Variants in ACOXL observed in about 807,000 individuals in gnomAD.
The protein encoded by ACOXL is acyl-coenzyme A oxidase-like protein.
In ACOXL, 70 loss-of-function variants were observed where a neutral mutation model predicts 71.9. The observed-to-expected ratio is 0.97, with a 90% CI of 0.80 to 1.19. ACOXL has a LOEUF of 1.19. ACOXL is among the 50% of genes most tolerant of loss of function. The pLI is 0.00. For missense variants in ACOXL, 703 were observed against 736.3 expected, an observed-to-expected ratio of 0.95 and a Z score of 0.52; for synonymous variants, 253 against 281.6, an observed-to-expected ratio of 0.90 and a Z score of 1.02.
chr2:110,828,115 C>T (rs1433832697), intron 9 of ACOXL, among the ~76,000 whole-genome samples: 1 of 152,140 alleles, frequency 6.6e-6, no homozygotes. Flanking sequence ...GGACTACAGG[C>T]ACATGCCATC....
chr2:110,734,023 G>A (rs1195406662), intron 1 of ACOXL, among the ~76,000 whole-genome samples: 1 of 152,088 alleles, frequency 6.6e-6, no homozygotes, highest in Non-Finnish European at 1.5e-5. Context: ...TATAGAAGCA[G>A]ACATGAGAAT....
intron 16 of ACOXL, among the ~76,000 whole-genome samples, chr2:111,056,788 C>CAAA (rs34865595): frequency 0.01 from 1,037 of 102,252 alleles, 25 homozygotes; most frequent in African/African-American, 0.037. Flanking sequence ...ACTCTGTCTC[C>CAAA]AAAAAAAAAA....
chr2:111,071,262 T>A (rs1169194168), intron 16 of ACOXL, among the ~76,000 whole-genome samples: 1 of 151,808 alleles, frequency 6.6e-6, no homozygotes, highest in East Asian at 1.9e-4. Context: ...AAGATGAACA[T>A]CCCCCCTCTT....
At chr2:110,838,241 T>C (rs760045995) in intron 9 of ACOXL, among the ~76,000 whole-genome samples, 1 of 152,250 alleles carries the variant, frequency 6.6e-6, no homozygotes, top group African/African-American at 2.4e-5. Flanking sequence ...TGCGTGTGCA[T>C]GTCTGAATGT....
chr2:111,005,754 G>C lies in ACOXL; in HGVS notation c.1281+9750G>C, dbSNP rs111465292. Among the ~76,000 whole-genome samples the C allele has an allele frequency of 4.4e-3, 670 of 152,196 alleles. 6 individuals carry two copies. The highest frequency in any genetic ancestry group is 0.015 in the African/African-American group (640 of 41,512). On this transcript the variant is annotated intron_variant, in intron 14 of 17. Transcript: ENST00000439055. ...TGGCACACACATATCAAGTGCCTTG[G>C]AAGATCACCAATAGGATGTCCACCA...
At chr2:110,906,264 G>A (rs1055505556) in intron 10 of ACOXL, among the ~76,000 whole-genome samples, 3 of 152,076 alleles carry the variant, frequency 2.0e-5, no homozygotes, top group African/African-American at 4.8e-5. Context: ...TTGGCCAGGC[G>A]TGGTGGCTCA....
intron 17 of ACOXL, among the ~76,000 whole-genome samples, chr2:111,105,747 T>C (rs763671743): frequency 6.6e-6 from 1 of 152,322 alleles, no homozygotes; most frequent in East Asian, 1.9e-4. Context: ...GAAGTTCTTA[T>C]AGATTCCTTG....
At chr2:110,772,466 T>G (rs1682071656) in intron 2 of ACOXL, among the ~76,000 whole-genome samples, 1 of 152,174 alleles carries the variant, frequency 6.6e-6, no homozygotes. Flanking sequence ...AATCAGGGCT[T>G]GTGGGTGGCT....
At chr2:110,935,571 A>G (rs2060630692) in intron 12 of ACOXL, among the ~76,000 whole-genome samples, 1 of 152,148 alleles carries the variant, frequency 6.6e-6, no homozygotes, top group Non-Finnish European at 1.5e-5. Context: ...CCACCCTGTT[A>G]GAGAAGACGC....
At position 110,793,801 on chromosome 2, in the gene ACOXL, T is replaced by G. The variant is rs998129753; in HGVS notation, c.246+65T>G. On this transcript the variant is annotated intron_variant, in intron 4 of 17. Coordinates refer to ENST00000439055, the MANE Select transcript of ACOXL (RefSeq NM_001142807.4). Reference sequence around the variant, plus strand: ...CTTAAAAATCTGTAGTAGATAGATATGCATGTGTGTATGTGTTTGAAGAAA... The same window carrying G: ...CTTAAAAATCTGTAGTAGATAGATAGGCATGTGTGTATGTGTTTGAAGAAA... 3.2e-6 allele frequency: 4 copies of G among 1,249,902 alleles called. No individual in the cohort carries two copies. The African/African-American group carries it at 5.9e-5, about 19-fold the overall frequency. The allele number at this position is 1,249,902 out of a possible 1,614,324, so 77.4% of individuals were successfully genotyped here. A position where few individuals can be genotyped will look rare whatever the true frequency, so the allele number is the denominator to read the frequency against.
chr2:110,893,395 A>G (rs1347008582), intron 10 of ACOXL, among the ~76,000 whole-genome samples: 1 of 152,216 alleles, frequency 6.6e-6, no homozygotes, highest in Non-Finnish European at 1.5e-5. Context: ...AAGGCAAATT[A>G]AAATGAGATA....
intron 15 of ACOXL, among the ~76,000 whole-genome samples, chr2:111,038,306 C>G (rs1387879161): frequency 6.6e-6 from 1 of 152,206 alleles, no homozygotes; most frequent in Non-Finnish European, 1.5e-5. Flanking sequence ...GCTCCCAGTG[C>G]TCGTTGGAGC....
At chr2:110,780,787 A>G (rs1010132136) in intron 2 of ACOXL, among the ~76,000 whole-genome samples, 1 of 152,094 alleles carries the variant, frequency 6.6e-6, no homozygotes, top group Non-Finnish European at 1.5e-5. Flanking sequence ...TAATCCCAGC[A>G]CTTTGAGAGG....
At chr2:111,046,239 C>T (rs1241161236) in intron 15 of ACOXL, among the ~76,000 whole-genome samples, 2 of 152,184 alleles carry the variant, frequency 1.3e-5, no homozygotes, top group Non-Finnish European at 2.9e-5. Context: ...GGGCTCCACA[C>T]GTCACTGATG....
intron 11 of ACOXL, among the ~76,000 whole-genome samples, chr2:110,911,924 C>T (rs2059665125): frequency 6.6e-6 from 1 of 152,038 alleles, no homozygotes; most frequent in African/African-American, 2.4e-5. Flanking sequence ...TAAGCTATCC[C>T]TATTTGCAGA....
chr2:110,852,289 A>G (rs891621363), intron 10 of ACOXL, among the ~76,000 whole-genome samples: 2 of 152,134 alleles, frequency 1.3e-5, no homozygotes, highest in African/African-American at 2.4e-5. Context: ...GGGGCTACCA[A>G]GGTCTTGCTC....
intron 15 of ACOXL, among the ~76,000 whole-genome samples, chr2:111,033,682 G>A (rs574840341): frequency 2.6e-5 from 4 of 152,206 alleles, no homozygotes; most frequent in South Asian, 2.1e-4. Flanking sequence ...TTTGCCGATC[G>A]GGTTGAAACA....
intron 11 of ACOXL, among the ~76,000 whole-genome samples, chr2:110,913,371 A>G (rs1172180949): frequency 6.6e-6 from 1 of 152,240 alleles, no homozygotes; most frequent in Non-Finnish European, 1.5e-5. Flanking sequence ...ATAGATTGAC[A>G]AATGGGTAAA....
intron 12 of ACOXL, among the ~76,000 whole-genome samples, chr2:110,972,531 G>C (rs1456172207): frequency 1.3e-5 from 2 of 152,120 alleles, no homozygotes; most frequent in Admixed American, 6.6e-5. Context: ...CACAGGACTT[G>C]ACATATACTT....
Sources: gnomAD v4.1 joint callset for allele counts (sites outside exome capture counted in the v4.1 genomes callset) on GRCh38, gnomAD v4.1.1 for gene constraint, MANE v1.5 for transcripts, NCBI Gene and HGNC (gene_info 2026-07-23, HGNC 2026-07-21) for gene names.